Variants in SORL1 observed in about 807,000 individuals in gnomAD.
SORL1 encodes sortilin-related receptor.
Under a neutral mutation model 273.7 loss-of-function variants are expected in SORL1, and 127 were observed. The observed-to-expected ratio is 0.46, with a 90% CI of 0.40 to 0.54. The LOEUF (loss-of-function observed/expected upper bound fraction) is 0.54. SORL1 is among the 20% of genes least tolerant of loss of function. The pLI is 0.00. For synonymous variants in SORL1, 1,031 were observed against 1,067.4 expected (o/e 0.97, Z 0.66); for missense variants, 2,494 against 2,846.1 (o/e 0.88, Z 2.81).
At chr11:121,574,006 C>A (rs896731777) in intron 23 of SORL1, among the ~76,000 whole-genome samples, 1 of 152,200 alleles carries the variant, frequency 6.6e-6, no homozygotes, top group Admixed American at 6.5e-5. Context: ...TCTCACTTTT[C>A]CCCGTCCTGT....
intron 18 of SORL1, 40 bp from the exon 19 acceptor site, chr11:121,557,274 T>C: frequency 6.9e-7 from 1 of 1,450,460 alleles, no homozygotes; most frequent in Non-Finnish European, 9.7e-7. Context: ...TTTAAGGAGC[T>C]CCGATCCATC....
At position 121,520,720 on chromosome 11, in the gene SORL1, T is replaced by A. The variant is rs1862028061; in HGVS notation, c.1275T>A (p.Ile425=). The A allele has an allele frequency of 6.2e-7, 1 of 1,611,912 alleles. No individual in the cohort carries two copies. Among genetic ancestry groups the A allele is most frequent in the South Asian group, 1.1e-5 (1 of 90,486 alleles). ...HRVEGLQGVY[I]ATLINGSMNE... is the part of the protein sequence containing the mutation. ...TGGAAGGATTGCAAGGAGTCTACAT[T>A]GCTACTCTGATTAATGGTTCTATGA... is the stretch of plus-strand genomic sequence containing the variant. Residue 425 remains isoleucine, a synonymous_variant, in exon 9 of 48, where the codon ATT becomes ATA. Transcript: ENST00000260197.
intron 6 of SORL1, among the ~76,000 whole-genome samples, chr11:121,510,650 G>A (rs1861863547): frequency 6.6e-6 from 1 of 152,098 alleles, no homozygotes; most frequent in Non-Finnish European, 1.5e-5. Context: ...ACTTCCCATA[G>A]GTGCAAAAAT....
intron 6 of SORL1, among the ~76,000 whole-genome samples, chr11:121,498,944 C>G (rs1195343424): frequency 2.0e-5 from 3 of 151,796 alleles, no homozygotes. Context: ...ACAGCTATGT[C>G]TGTTCTCCAG....
chr11:121,619,251 G>A (rs2134945217), intron 42 of SORL1, among the ~76,000 whole-genome samples: 1 of 152,324 alleles, frequency 6.6e-6, no homozygotes, highest in East Asian at 1.9e-4. Context: ...TCTTATGATA[G>A]CAAAAGATGT....
At chr11:121,607,087 T>C in intron 36 of SORL1, 99 bp from the exon 37 acceptor site, 2 of 1,012,312 alleles carry the variant, frequency 2.0e-6, no homozygotes, top group East Asian at 2.4e-5. Flanking sequence ...AACATTTTGC[T>C]CCTCACCATC....
At chr11:121,459,321 C>T (rs1860953941) in intron 1 of SORL1, among the ~76,000 whole-genome samples, 2 of 152,240 alleles carry the variant, frequency 1.3e-5, no homozygotes, top group Non-Finnish European at 1.5e-5. Context: ...CTCTGCTTCA[C>T]CCAAGAGAGA....
intron 40 of SORL1, among the ~76,000 whole-genome samples, chr11:121,613,690 C>T (rs1863600092): frequency 6.6e-6 from 1 of 152,176 alleles, no homozygotes; most frequent in South Asian, 2.1e-4. Flanking sequence ...GTGAGATATG[C>T]CCGCTTTACA....
At chr11:121,531,223 G>A (rs1198580928) in intron 11 of SORL1, among the ~76,000 whole-genome samples, 1 of 152,088 alleles carries the variant, frequency 6.6e-6, no homozygotes, top group Admixed American at 6.6e-5. Context: ...GTGAAACCCT[G>A]TCTGTACTAA....
intron 11 of SORL1, among the ~76,000 whole-genome samples, chr11:121,523,822 G>C (rs1253358954): frequency 1.3e-5 from 2 of 152,202 alleles, no homozygotes; most frequent in African/African-American, 2.4e-5. Flanking sequence ...CGTCGGGAGT[G>C]ATGTGGAGTT....
At chr11:121,573,350 G>A (rs1862876992) in intron 23 of SORL1, among the ~76,000 whole-genome samples, 1 of 152,182 alleles carries the variant, frequency 6.6e-6, no homozygotes. Context: ...GGTGGCTCAT[G>A]CCTGTAATCC....
chr11:121,592,474 A>C (rs1863231120), intron 31 of SORL1, among the ~76,000 whole-genome samples: 1 of 152,222 alleles, frequency 6.6e-6, no homozygotes, highest in Non-Finnish European at 1.5e-5. Flanking sequence ...TCTCCTTTCA[A>C]GCTCCACCTC....
intron 31 of SORL1, among the ~76,000 whole-genome samples, chr11:121,594,666 C>CT (rs1366160041): frequency 6.6e-6 from 1 of 152,202 alleles, no homozygotes; most frequent in African/African-American, 2.4e-5. Flanking sequence ...TGCAAAGCCT[C>CT]TATTTCCTCC....
Position 121,452,607 on chromosome 11 carries a change from G to A in SORL1, c.276G>A (p.Val92=). 4 of 1,502,180 alleles carry A rather than the reference G, an allele frequency of 2.7e-6. No homozygotes were observed. The highest frequency in any genetic ancestry group is 3.5e-6 in the Non-Finnish European group (4 of 1,131,970). 93.1% of individuals were successfully genotyped at this position (1,502,180 alleles called of 1,614,324 possible). A position where few individuals can be genotyped will look rare whatever the true frequency, so the allele number is the denominator to read the frequency against. The change falls in exon 1 of 48, where the codon GTG becomes GTA. Residue 92 remains valine, a synonymous_variant. Coordinates refer to ENST00000260197, the MANE Select transcript of SORL1 (RefSeq NM_003105.6). The surrounding 1 kb of genome is among the most constrained non-coding windows in gnomAD (Gnocchi z 5.3). ...CCCTGCAGCCCGAGCCCATCAAGGT[G>A]TACGGACAGGTGAGCAGTTTTGCAA... The part of the protein sequence containing the change: ...SAALQPEPIK[V]YGQVSLNDSH...
rs1451714828 is a variant in SORL1 at position 121,590,171 on chromosome 11, G to A, written c.4210G>A (p.Gly1404Arg). 1 of 1,614,056 alleles carries A rather than the reference G, an allele frequency of 6.2e-7. No homozygotes were observed. Among genetic ancestry groups the A allele is most frequent in the Admixed American group, 1.7e-5 (1 of 60,020 alleles). The change falls in exon 30 of 48, where the codon GGA (glycine) becomes AGA (arginine). Residue 1404 changes from glycine (G) to arginine (R), a missense_variant. By Grantham distance (125) the Gly-to-Arg change is moderately radical (BLOSUM62 -2). Transcript: ENST00000260197. ...GGACTGGTCTGATGAGAAGGATTGT[G>A]GAGGTAAGAGGCCCCTGGGGCCTGG... ...CGDWSDEKDC[G>R]DSHILPFSTP...
intron 14 of SORL1, 80 bp downstream of exon 14, chr11:121,545,509 C>T (rs1395774445): frequency 1.5e-6 from 2 of 1,337,250 alleles, no homozygotes; most frequent in African/African-American, 1.4e-5. Flanking sequence ...TAGGCATGGT[C>T]CCTTTCCCTG....
chr11:121,623,831 G>A (rs548446955), intron 45 of SORL1, among the ~76,000 whole-genome samples: 2 of 152,296 alleles, frequency 1.3e-5, no homozygotes, highest in African/African-American at 4.8e-5. Context: ...CCCCTGACAA[G>A]GAGTTCAAAG....
At chr11:121,557,522 T>A in intron 19 of SORL1, 117 bp downstream of exon 19, 1 of 795,506 alleles carries the variant, frequency 1.3e-6, no homozygotes, top group Non-Finnish European at 2.1e-6. Context: ...GTTGAAATGG[T>A]CTATTAACTG....
chr11:121,472,661 A>C (rs554822142), intron 2 of SORL1, among the ~76,000 whole-genome samples: 1 of 152,200 alleles, frequency 6.6e-6, no homozygotes, highest in African/African-American at 2.4e-5. Context: ...GGGTGTGTCT[A>C]ACTAAGAGCC....
Sources: gnomAD v4.1 joint callset for allele counts (sites outside exome capture counted in the v4.1 genomes callset) on GRCh38, gnomAD v4.1.1 for gene constraint, Gnocchi (gnomAD v3.1) non-coding constraint, MANE v1.5 for transcripts, NCBI Gene and HGNC (gene_info 2026-07-23, HGNC 2026-07-21) for gene names.